Variants in C3orf20 observed in about 807,000 individuals in gnomAD.
The protein encoded by C3orf20 is family with sequence similarity 149 member C.
A neutral mutation model predicts 88.3 loss-of-function variants in C3orf20; 76 were observed. The observed-to-expected ratio is 0.86, with a 90% CI of 0.72 to 1.04. C3orf20 has a LOEUF of 1.04. Among genes scored for constraint, C3orf20 ranks in the 50% least tolerant of loss-of-function variants. The pLI is 0.00. For synonymous variants in C3orf20, 436 were observed against 437.4 expected (o/e 1.00, Z 0.04); for missense variants, 1,056 against 1,123.3 (o/e 0.94, Z 0.86).
At chr3:14,679,705 G>A (rs545719293) in intron 1 of C3orf20, among the ~76,000 whole-genome samples, 1 of 152,238 alleles carries the variant, frequency 6.6e-6, no homozygotes, top group Admixed American at 6.5e-5. Flanking sequence ...AGATTTCTCA[G>A]GGTCCTTTAC....
intron 1 of C3orf20, among the ~76,000 whole-genome samples, chr3:14,679,706 G>T (rs562439697): frequency 1.3e-5 from 2 of 152,256 alleles, no homozygotes; most frequent in East Asian, 3.9e-4. Flanking sequence ...GATTTCTCAG[G>T]GTCCTTTACC....
chr3:14,684,149 C>T (rs114128783), intron 3 of C3orf20, 93 bp from the exon 4 acceptor site: 2 of 1,531,566 alleles, frequency 1.3e-6, no homozygotes, highest in Non-Finnish European at 1.8e-6. Context: ...CTCTACTCTA[C>T]CCTTCTTTCC....
At chr3:14,752,954 GA>G (rs1314519485) in intron 12 of C3orf20, among the ~76,000 whole-genome samples, 2 of 152,134 alleles carry the variant, frequency 1.3e-5, no homozygotes, top group Non-Finnish European at 2.9e-5. Context: ...TCTAGAACTA[GA>G]AATACCATTT....
chr3:14,758,539 A>G (rs998238020), intron 13 of C3orf20, among the ~76,000 whole-genome samples: 2 of 152,236 alleles, frequency 1.3e-5, no homozygotes, highest in African/African-American at 4.8e-5. Flanking sequence ...AAAGGATGGC[A>G]CATGAGCACA....
chr3:14,719,242 G>C lies in C3orf20; in HGVS notation c.1435-2411G>C, dbSNP rs144556370. On this transcript the variant is annotated intron_variant, in intron 9 of 16. Coordinates refer to ENST00000253697, the MANE Select transcript of C3orf20 (RefSeq NM_032137.5). Reference sequence around the variant, plus strand: ...ACCAGCTGGTTGATTTTTAAGCTGAGGGCTGAAATGCTCAGTCTAGCATTT... The same window carrying C: ...ACCAGCTGGTTGATTTTTAAGCTGACGGCTGAAATGCTCAGTCTAGCATTT... 9.9e-4 allele frequency among the ~76,000 whole-genome samples: 150 copies of C among 152,184 alleles called. 1 individual carries two copies. Among genetic ancestry groups the C allele is most frequent in the African/African-American group, 3.3e-3 (137 of 41,518 alleles).
At chr3:14,723,381 T>C (rs1158063956) in intron 10 of C3orf20, among the ~76,000 whole-genome samples, 1 of 152,242 alleles carries the variant, frequency 6.6e-6, no homozygotes, top group Non-Finnish European at 1.5e-5. Flanking sequence ...TCCAGCAGCA[T>C]TTCACCTTCA....
At position 14,772,962 on chromosome 3, in the gene C3orf20, C is replaced by A; in HGVS notation, c.*87C>A. On this transcript the variant is annotated 3_prime_UTR_variant, in exon 17 of 17. Transcript: ENST00000253697. The surrounding 1 kb of genome is among the most constrained non-coding windows in gnomAD (Gnocchi z 4.2). Reference sequence around the variant, plus strand: ...AGCCCAGCCCTGCCTCCCCGGTCTCCCACCCTGTCCTCCAAGCTTCTATAA... The same window carrying A: ...AGCCCAGCCCTGCCTCCCCGGTCTCACACCCTGTCCTCCAAGCTTCTATAA... 1.0e-6 allele frequency: 1 copy of A among 958,292 alleles called. No homozygotes were observed. The highest frequency in any genetic ancestry group is 1.7e-6 in the Non-Finnish European group (1 of 596,020). The allele number at this position is 958,292 out of a possible 1,614,324, so 59.4% of individuals were successfully genotyped here.
chr3:14,733,869 A>G (rs966639729), intron 12 of C3orf20, among the ~76,000 whole-genome samples: 4 of 152,088 alleles, frequency 2.6e-5, no homozygotes, highest in Non-Finnish European at 4.4e-5. Flanking sequence ...TTGTATTTTT[A>G]GTAGGGACGG....
intron 6 of C3orf20, 152 bp from the exon 7 acceptor site, chr3:14,704,185 C>A: frequency 1.3e-6 from 1 of 784,814 alleles, no homozygotes; most frequent in Non-Finnish European, 2.0e-6. Context: ...CAAAAATTAC[C>A]TTTATGGACG....
chr3:14,765,011 C>G (rs2035665828), intron 15 of C3orf20: 1 of 152,226 alleles, frequency 6.6e-6, no homozygotes, highest in Non-Finnish European at 1.5e-5. Context: ...GTTAGTAGTA[C>G]AAGACGTGCT....
intron 12 of C3orf20, among the ~76,000 whole-genome samples, chr3:14,753,926 G>A (rs538504813): frequency 1.4e-4 from 22 of 152,206 alleles, no homozygotes; most frequent in Non-Finnish European, 2.9e-4. Flanking sequence ...TCTGTATTGA[G>A]ACATTCATTC....
chr3:14,696,943 T>A (rs2033030556), intron 5 of C3orf20, among the ~76,000 whole-genome samples: 2 of 152,184 alleles, frequency 1.3e-5, no homozygotes, highest in African/African-American at 2.4e-5. Flanking sequence ...TCACAAGATA[T>A]ACTATTCTAG....
chr3:14,678,690 C>A (rs561425316), intron 1 of C3orf20, among the ~76,000 whole-genome samples: 86 of 152,162 alleles, frequency 5.7e-4, no homozygotes, highest in Non-Finnish European at 2.9e-4. Flanking sequence ...CTGCGTGGGT[C>A]CCTTAGGCTA....
chr3:14,679,523 G>A lies in C3orf20; in HGVS notation c.-298-2647G>A, dbSNP rs142805263. On this transcript the variant is annotated intron_variant, in intron 1 of 16. Transcript: ENST00000253697. ...TCATCAGGAGCCCGGGCTCTGCTGC[G>A]CAGCTTGGCCACCTTTAATGCGAAG... 1.2e-4 allele frequency among the ~76,000 whole-genome samples: 18 copies of A among 152,334 alleles called. No homozygotes were observed. The East Asian group carries it at 1.7e-3, about 15-fold the overall frequency.
chr3:14,758,864 C>T (rs1193141146), intron 13 of C3orf20, among the ~76,000 whole-genome samples: 1 of 152,198 alleles, frequency 6.6e-6, no homozygotes, highest in African/African-American at 2.4e-5. Context: ...GTTTGTTTTC[C>T]AGAGCCAACC....
At chr3:14,712,174 G>A (rs952851939) in intron 7 of C3orf20, among the ~76,000 whole-genome samples, 53 of 61,794 alleles carry the variant, frequency 8.6e-4, no homozygotes, top group African/African-American at 3.4e-3. Context: ...GCACACACAC[G>A]CGCGCGCGCA....
At chr3:14,710,245 C>A (rs1479088989) in intron 7 of C3orf20, among the ~76,000 whole-genome samples, 4 of 150,946 alleles carry the variant, frequency 2.6e-5, no homozygotes, top group African/African-American at 9.7e-5. Context: ...TTGAGTCTTT[C>A]TTTTTTTTAA....
chr3:14,712,379 G>C (rs558439853), intron 7 of C3orf20, among the ~76,000 whole-genome samples: 2 of 152,110 alleles, frequency 1.3e-5, no homozygotes, highest in African/African-American at 4.8e-5. Flanking sequence ...GATCTTGGAC[G>C]TTCAGCCTCT....
At chr3:14,720,537 GTTGTTGTT>G (rs1559419307) in intron 9 of C3orf20, among the ~76,000 whole-genome samples, 159 of 6,022 alleles carry the variant, frequency 0.026, no homozygotes, top group Non-Finnish European at 0.053. Flanking sequence ...GAGAGTGGTT[GTTGTTGTT>G]GTTGTTGTTG....
Sources: allele counts gnomAD v4.1 joint callset (sites outside exome capture counted in the v4.1 genomes callset), GRCh38; gene constraint gnomAD v4.1.1; non-coding constraint Gnocchi (gnomAD v3.1); transcripts MANE v1.5; gene names NCBI Gene and HGNC (gene_info 2026-07-23, HGNC 2026-07-21).